Variants in CAPN2 observed in about 807,000 individuals in gnomAD.
CAPN2 encodes the protein calpain 2.
A neutral mutation model predicts 102.3 loss-of-function variants in CAPN2; 92 were observed. That is an observed-to-expected ratio of 0.90 (90% CI 0.76 to 1.07). The LOEUF is 1.07. Among genes scored for constraint, CAPN2 ranks in the 50% least tolerant of loss-of-function variants. The pLI, the probability that CAPN2 is intolerant of heterozygous loss-of-function variation, is 0.00. For synonymous variants in CAPN2, 340 were observed against 355.4 expected (o/e 0.96, Z 0.49); for missense variants, 800 against 909.4 (o/e 0.88, Z 1.55).
Position 223,725,233 on chromosome 1 carries a change from A to T in CAPN2, c.307+7402A>T, listed in dbSNP as rs1395823300. ...AAAACTACAATATGAAATACAAACA[A>T]TTAGCCGGGCGTGGTGGCATGCACT... is the stretch of plus-strand genomic sequence containing the variant. On this transcript the variant is annotated intron_variant, in intron 2 of 20. Coordinates refer to ENST00000295006, the MANE Select transcript of CAPN2 (RefSeq NM_001748.5). The surrounding 1 kb of genome is among the most constrained non-coding windows in gnomAD (Gnocchi z 4.1). 6.6e-6 allele frequency among the ~76,000 whole-genome samples: 1 copy of T among 152,076 alleles called. No homozygotes were observed. The highest frequency in any genetic ancestry group is 1.5e-5 in the Non-Finnish European group (1 of 68,008).
chr1:223,761,463 TG>T (rs1435044757), intron 12 of CAPN2, 117 bp from the exon 13 acceptor site: 2 of 539,698 alleles, frequency 3.7e-6, no homozygotes, highest in African/African-American at 3.8e-5. Context: ...ACCGCAGCCC[TG>T]CCCCACCCCA....
chr1:223,747,042 G>C lies in CAPN2; in HGVS notation c.606G>C (p.Glu202Asp). The change falls in exon 5 of 21, where the codon GAG becomes GAC. Residue 202 changes from glutamate (E) to aspartate (D), a missense_variant. Glu to Asp is a conservative substitution (Grantham distance 45). Transcript: ENST00000295006. ...YEALSGGATT[E>D]GFEDFTGGIA... ...CGCTATCAGGGGGTGCCACCACTGA[G>C]GGCTTCGAAGACTTCACCGGAGGCA... The C allele has an allele frequency of 6.2e-7, 1 of 1,614,076 alleles. No homozygotes were observed. Among genetic ancestry groups the C allele is most frequent in the Non-Finnish European group, 8.5e-7 (1 of 1,179,964 alleles).
chr1:223,710,768 G>A (rs1259784661), upstream of CAPN2, among the ~76,000 whole-genome samples: 2 of 152,050 alleles, frequency 1.3e-5, no homozygotes, highest in African/African-American at 4.8e-5. Flanking sequence ...TTGTCAACCA[G>A]AAAATGTTTA....
chr1:223,764,946 C>T (rs556559129), intron 15 of CAPN2, among the ~76,000 whole-genome samples: 195 of 152,304 alleles, frequency 1.3e-3, no homozygotes, highest in African/African-American at 4.2e-3. Context: ...ATTGTTCAAC[C>T]CCTTACTGTG....
chr1:223,752,534 T>C (rs1276162399), intron 8 of CAPN2, among the ~76,000 whole-genome samples: 2 of 152,226 alleles, frequency 1.3e-5, no homozygotes, highest in Non-Finnish European at 2.9e-5. Context: ...TCACATTTGA[T>C]GGGCACGGCT....
intron 1 of CAPN2, 140 bp downstream of exon 1, chr1:223,713,017 G>A (rs1001228654): frequency 3.6e-5 from 18 of 502,744 alleles, no homozygotes; most frequent in Middle Eastern, 6.0e-4. Flanking sequence ...GCAGTCCTGC[G>A]ACACCTCCGC....
Position 223,771,847 on chromosome 1 carries a change from G to A in CAPN2, c.1942G>A (p.Ala648Thr). ...CTGTCAACTCCACCAAGTCATCGTT[G>A]CTCGGTTTGCAGATGACCAGCTCAT... Reference protein sequence around the residue: ...MPCQLHQVIVARFADDQLIID... With the variant: ...MPCQLHQVIVTRFADDQLIID... The change falls in exon 19 of 21, where the codon GCT becomes ACT. Residue 648 changes from alanine (A) to threonine (T), a missense_variant. Physicochemically the swap from Ala to Thr is moderately conservative, Grantham distance 58. Coordinates refer to ENST00000295006, the MANE Select transcript of CAPN2 (RefSeq NM_001748.5). 1.2e-6 allele frequency: 2 copies of A among 1,614,048 alleles called. No individual in the cohort carries two copies. The highest frequency in any genetic ancestry group is 1.1e-5 in the South Asian group (1 of 91,076).
chr1:223,727,415 C>T lies in CAPN2; in HGVS notation c.307+9584C>T, dbSNP rs945207758. On this transcript the variant is annotated intron_variant, in intron 2 of 20. Transcript: ENST00000295006. This position sits in a 1 kb window ranked among gnomAD's most constrained non-coding sequence, Gnocchi z 4.1. ...CCCGTGTGCCACTCAAAAATGTCTG[C>T]AGACCTTGCCAAATGTCCCCTGGGG... Among the ~76,000 whole-genome samples, 1 of 152,160 alleles carries T rather than the reference C, an allele frequency of 6.6e-6. No individual in the cohort carries two copies. The highest frequency in any genetic ancestry group is 2.4e-5 in the African/African-American group (1 of 41,436).
In CAPN2 at chr1:223,744,090, G is replaced by A. The variant is rs1660688795; in HGVS notation, c.308-10G>A. On this transcript the variant is annotated splice_polypyrimidine_tract_variant and intron_variant, in intron 2 of 20. Coordinates refer to ENST00000295006, the MANE Select transcript of CAPN2 (RefSeq NM_001748.5). ...CCCTCTGATAAGAGCTCCTTGTGCTGTGTTCACAGGTGACTGCTGGCTGCT... is the reference window on the plus strand; with the variant it reads ...CCCTCTGATAAGAGCTCCTTGTGCTATGTTCACAGGTGACTGCTGGCTGCT... 1.3e-6 allele frequency: 2 copies of A among 1,581,344 alleles called. No homozygotes were observed. Among genetic ancestry groups the A allele is most frequent in the Non-Finnish European group, 1.7e-6 (2 of 1,150,308 alleles).
intron 20 of CAPN2, among the ~76,000 whole-genome samples, chr1:223,774,414 G>A (rs552572467): frequency 6.6e-6 from 1 of 152,184 alleles, no homozygotes; most frequent in Non-Finnish European, 1.5e-5. Flanking sequence ...CTGGTGTCCT[G>A]TCTGTATCCC....
chr1:223,746,799 C>T (rs902854245), intron 4 of CAPN2, among the ~76,000 whole-genome samples, 198 bp from the exon 5 acceptor site: 1 of 152,190 alleles, frequency 6.6e-6, no homozygotes. Flanking sequence ...CTTTAAAACA[C>T]AAAATACCAG....
At chr1:223,766,979 G>T (rs1661352968) in intron 16 of CAPN2, among the ~76,000 whole-genome samples, 1 of 151,076 alleles carries the variant, frequency 6.6e-6, no homozygotes, top group Non-Finnish European at 1.5e-5. Flanking sequence ...AAAAGAAAAA[G>T]AATGTAGGCC....
chr1:223,774,854 T>C lies in CAPN2; in HGVS notation c.2100T>C (p.Leu700=), dbSNP rs759456686. ...CACAGTGGCTCTGTTTCTCAGTACT[T>C]TGAAGTTATAACTAATCTGCCTGAA... ...DLISWLCFSV[L] The change falls in exon 21 of 21, where the codon CTT becomes CTC. Residue 700 remains leucine, a synonymous_variant. Coordinates refer to ENST00000295006, the MANE Select transcript of CAPN2 (RefSeq NM_001748.5). 32 of 1,613,334 alleles carry C rather than the reference T, an allele frequency of 2.0e-5. No homozygotes were observed. Among genetic ancestry groups the C allele is most frequent in the Non-Finnish European group, 2.6e-5 (31 of 1,179,676 alleles).
intron 16 of CAPN2, 34 bp downstream of exon 16, chr1:223,766,465 G>C: frequency 1.3e-6 from 2 of 1,503,532 alleles, no homozygotes; most frequent in Non-Finnish European, 9.3e-7. Context: ...AATAGAGACT[G>C]GGGGAGTTTA....
intron 2 of CAPN2, among the ~76,000 whole-genome samples, chr1:223,721,859 G>A (rs1571784204): frequency 1.3e-5 from 2 of 152,340 alleles, no homozygotes; most frequent in East Asian, 1.9e-4. Context: ...TCCCAGGGCT[G>A]TGGAGAAAAG....
At chr1:223,730,485 A>G (rs1660311890) in intron 2 of CAPN2, among the ~76,000 whole-genome samples, 5 of 152,160 alleles carry the variant, frequency 3.3e-5, no homozygotes, top group Non-Finnish European at 7.4e-5. Context: ...CCCACAAGAG[A>G]CAGCTTTCAG....
chr1:223,775,963 A>AAAAG lies in CAPN2; in HGVS notation c.*1108_*1111dup, dbSNP rs1661608566. The AAAAG allele has an allele frequency of 1.3e-5, 2 of 152,704 alleles. No individual in the cohort carries two copies. The highest frequency in any genetic ancestry group is 4.8e-5 in the African/African-American group (2 of 41,574). The allele number at this position is 152,704 out of a possible 1,614,324, so 9.5% of individuals were successfully genotyped here. On this transcript the variant is annotated 3_prime_UTR_variant, in exon 21 of 21. Transcript: ENST00000295006. The stretch of plus-strand genomic sequence containing the variant: ...CTCTGTAAATTCATGTATTCAAAGG[A>AAAAG]AAAGACACCTTGCCTATAATTAAAA...
chr1:223,762,278 G>A (rs1218896300), intron 14 of CAPN2, 27 bp downstream of exon 14: 2 of 1,564,906 alleles, frequency 1.3e-6, no homozygotes. Context: ...ACGATGTTAT[G>A]CACTCTGGTT....
Position 223,770,528 on chromosome 1 carries a change from A to G in CAPN2, c.1903+3A>G, listed in dbSNP as rs1186358767. On this transcript the variant is annotated splice_donor_region_variant and intron_variant, in intron 18 of 20. Transcript: ENST00000295006. ...GCGGAAGGCATTAGAAGAAGCAGGT[A>G]ACCCTTTATAACTGCATTTTCGTTC... is the stretch of plus-strand genomic sequence containing the variant. The G allele has an allele frequency of 4.4e-6, 7 of 1,599,762 alleles. No individual in the cohort carries two copies.
Sources: allele counts gnomAD v4.1 joint callset (sites outside exome capture counted in the v4.1 genomes callset), GRCh38; gene constraint gnomAD v4.1.1; non-coding constraint Gnocchi (gnomAD v3.1); transcripts MANE v1.5; gene names NCBI Gene and HGNC (gene_info 2026-07-23, HGNC 2026-07-21).